The following RABGAP1L variants were observed in gnomAD, a reference collection of about 807,000 sequenced individuals.
RABGAP1L encodes RAB GTPase activating protein 1 like, also known as rab GTPase-activating protein 1-like.
Under a neutral mutation model 137.7 loss-of-function variants are expected in RABGAP1L, and 63 were observed. The ratio of observed to expected loss-of-function variants is 0.46; its 90% CI spans 0.37 to 0.56. The LOEUF is 0.56. Ranked by LOEUF, RABGAP1L falls within the 20% of genes least tolerant of loss-of-function variation. The probability of loss-of-function intolerance (pLI) is 0.00; values close to 1 mark genes in which losing one functional copy is unlikely to be tolerated. For missense variants in RABGAP1L, 1,095 were observed against 1,244.0 expected, an observed-to-expected ratio of 0.88 and a Z score of 1.80; for synonymous variants, 431 against 433.7, an observed-to-expected ratio of 0.99 and a Z score of 0.08.
At position 174,378,981 on chromosome 1, in the gene RABGAP1L, A is replaced by T. The variant is rs1344266719; in HGVS notation, c.1559+7909A>T. On this transcript the variant is annotated intron_variant, in intron 12 of 25. Transcript: ENST00000681986. ...TTTTTGTATAAGGTGTAAGGAAGGG[A>T]TCCAGTTTCAGCTTTCTACATATGG... Among the ~76,000 whole-genome samples, 41 of 131,422 alleles carry T rather than the reference A, an allele frequency of 3.1e-4. 1 individual carries two copies. Among genetic ancestry groups the T allele is most frequent in the Admixed American group, 1.3e-3 (17 of 13,482 alleles). The allele number at this position is 131,422 out of a possible 152,430, so 86.2% of individuals were successfully genotyped here.
intron 15 of RABGAP1L, among the ~76,000 whole-genome samples, chr1:174,694,445 C>T (rs1274829985): frequency 4.0e-5 from 6 of 150,356 alleles, no homozygotes; most frequent in African/African-American, 9.8e-5. Context: ...GGAGAATATG[C>T]GGTGTTTGGT....
chr1:174,871,356 A>T (rs1365543775), intron 19 of RABGAP1L, among the ~76,000 whole-genome samples: 2 of 148,664 alleles, frequency 1.3e-5, no homozygotes, highest in Admixed American at 6.7e-5. Context: ...CTGGTCTCGA[A>T]CTCCTGACAG....
intron 13 of RABGAP1L, among the ~76,000 whole-genome samples, chr1:174,613,063 C>G (rs367546150): frequency 0.023 from 3,505 of 150,476 alleles, 61 homozygotes; most frequent in Middle Eastern, 0.079. Flanking sequence ...TCCTTCAGTT[C>G]TGCTCTGATT....
intron 13 of RABGAP1L, among the ~76,000 whole-genome samples, chr1:174,443,862 TGA>T (rs1477459379): frequency 6.6e-6 from 1 of 152,094 alleles, no homozygotes; most frequent in African/African-American, 2.4e-5. Context: ...TTGTATATGG[TGA>T]GAGATAGGAG....
At chr1:174,266,338 A>C (rs936225177) in intron 7 of RABGAP1L, among the ~76,000 whole-genome samples, 3 of 152,216 alleles carry the variant, frequency 2.0e-5, no homozygotes, top group Non-Finnish European at 4.4e-5. Context: ...TAAGATTTTA[A>C]GACTATTGGT....
chr1:174,466,036 AT>A (rs1451494727), intron 13 of RABGAP1L, among the ~76,000 whole-genome samples: 1 of 152,194 alleles, frequency 6.6e-6, no homozygotes, highest in African/African-American at 2.4e-5. Flanking sequence ...TAGTTGCCAT[AT>A]TTGGACAATG....
At chr1:174,677,023 A>G (rs1487364500) in intron 14 of RABGAP1L, among the ~76,000 whole-genome samples, 2 of 152,134 alleles carry the variant, frequency 1.3e-5, no homozygotes, top group Non-Finnish European at 2.9e-5. Context: ...CACTTACGGC[A>G]TAAGTATCAG....
At chr1:174,349,609 G>A (rs1682866909) in intron 11 of RABGAP1L, among the ~76,000 whole-genome samples, 1 of 141,102 alleles carries the variant, frequency 7.1e-6, no homozygotes, top group Non-Finnish European at 1.6e-5. Flanking sequence ...CTCCCTCCCG[G>A]ATGGGGCGGC....
At chr1:174,469,473 C>T (rs1276545129) in intron 13 of RABGAP1L, among the ~76,000 whole-genome samples, 1 of 152,196 alleles carries the variant, frequency 6.6e-6, no homozygotes, top group Admixed American at 6.5e-5. Flanking sequence ...CAGCAACTAC[C>T]TTAGTCCTCC....
At chr1:174,390,420 G>A (rs1301675843) in intron 12 of RABGAP1L, among the ~76,000 whole-genome samples, 1 of 152,142 alleles carries the variant, frequency 6.6e-6, no homozygotes, top group Non-Finnish European at 1.5e-5. Context: ...GTATGTTTAT[G>A]TACGTGTGTA....
chr1:174,555,549 T>A (rs992593673), intron 13 of RABGAP1L, among the ~76,000 whole-genome samples: 5 of 151,478 alleles, frequency 3.3e-5, no homozygotes, highest in Admixed American at 2.0e-4. Flanking sequence ...CCAAAAAAAA[T>A]GTATGTTCCC....
chr1:174,280,048 GGAGAGAGAGAGA>G (rs59262212), intron 10 of RABGAP1L, among the ~76,000 whole-genome samples: 1,458 of 125,310 alleles, frequency 0.012, 32 homozygotes, highest in African/African-American at 0.041. Flanking sequence ...CTGTCTGCCT[GGAGAGAGAGAGA>G]GAGAGAGAGA....
intron 18 of RABGAP1L, among the ~76,000 whole-genome samples, chr1:174,755,251 C>A (rs775350980): frequency 5.9e-5 from 9 of 152,062 alleles, no homozygotes; most frequent in Non-Finnish European, 1.0e-4. Flanking sequence ...AAGCTATGGA[C>A]CTAAAAGAAT....
At chr1:174,655,140 A>G (rs1164930905) in intron 14 of RABGAP1L, among the ~76,000 whole-genome samples, 1 of 152,062 alleles carries the variant, frequency 6.6e-6, no homozygotes, top group Non-Finnish European at 1.5e-5. Flanking sequence ...TGTTTTTCTT[A>G]TAAACAAGGG....
chr1:174,768,080 G>T (rs775244203), intron 18 of RABGAP1L, among the ~76,000 whole-genome samples: 14 of 152,184 alleles, frequency 9.2e-5, no homozygotes, highest in Non-Finnish European at 1.9e-4. Context: ...TGAGATTTGG[G>T]TGGGGACACA....
intron 13 of RABGAP1L, among the ~76,000 whole-genome samples, chr1:174,402,625 C>T (rs1223728728): frequency 6.6e-6 from 1 of 152,124 alleles, no homozygotes; most frequent in Non-Finnish European, 1.5e-5. Context: ...ACTTTTACCA[C>T]ATATTTCTGA....
intron 13 of RABGAP1L, among the ~76,000 whole-genome samples, chr1:174,464,950 A>T (rs1453723127): frequency 6.6e-6 from 1 of 152,102 alleles, no homozygotes; most frequent in Non-Finnish European, 1.5e-5. Flanking sequence ...CAATTATTAT[A>T]AAGTTCTGTG....
intron 18 of RABGAP1L, among the ~76,000 whole-genome samples, chr1:174,807,915 A>T (rs1689466794): frequency 6.6e-6 from 1 of 151,490 alleles, no homozygotes; most frequent in African/African-American, 2.4e-5. Flanking sequence ...TGTGCAACGT[A>T]GCGAGACCCC....
intron 15 of RABGAP1L, 81 bp from the exon 16 acceptor site, chr1:174,699,444 A>T: frequency 2.2e-6 from 3 of 1,337,158 alleles, no homozygotes; most frequent in Non-Finnish European, 3.1e-6. Flanking sequence ...TATGCAGAGG[A>T]CTAATAACAT....
Sources: allele counts gnomAD v4.1 joint callset (sites outside exome capture counted in the v4.1 genomes callset), GRCh38; gene constraint gnomAD v4.1.1; transcripts MANE v1.5; gene names NCBI Gene and HGNC (gene_info 2026-07-23, HGNC 2026-07-21).